LRRC39: variants seen among roughly 807,000 people sequenced by gnomAD.
LRRC39 encodes leucine-rich repeat-containing protein 39.
In LRRC39, 35 loss-of-function variants were observed where a neutral mutation model predicts 39.7. The ratio of observed to expected loss-of-function variants is 0.88; its 90% CI spans 0.67 to 1.17. The LOEUF (loss-of-function observed/expected upper bound fraction) is 1.17, where lower values mean the gene tolerates loss of function less well. Among genes scored for constraint, LRRC39 ranks in the 50% most tolerant of loss-of-function variants. The pLI, the probability that LRRC39 is intolerant of heterozygous loss-of-function variation, is 0.00. For synonymous variants in LRRC39, 113 were observed against 134.1 expected (o/e 0.84, Z 1.09); for missense variants, 357 against 385.8 (o/e 0.93, Z 0.62).
intron 3 of LRRC39, among the ~76,000 whole-genome samples, chr1:100,160,983 A>C (rs931480864): frequency 6.6e-6 from 1 of 152,110 alleles, no homozygotes; most frequent in African/African-American, 2.4e-5. Context: ...TAGTACCTGG[A>C]AATCAGACAA....
chr1:100,158,925 T>C (rs1040438897), intron 5 of LRRC39, among the ~76,000 whole-genome samples: 2 of 149,178 alleles, frequency 1.3e-5, no homozygotes, highest in Non-Finnish European at 3.0e-5. Flanking sequence ...TCTATTTGGA[T>C]TTTTTTTTCC....
chr1:100,171,503 C>CTTTTTTTTTTTTTTTTTTTTTTTTTTTCT (rs748078318), intron 2 of LRRC39, among the ~76,000 whole-genome samples: 1 of 130,766 alleles, frequency 7.6e-6, no homozygotes. Context: ...TTTCTTTCTT[C>CTTTTTTTTTTTTTTTTTTTTTTTTTTTCT]TTTTTTTTTT....
chr1:100,156,197 C>T lies in LRRC39; in HGVS notation c.634G>A (p.Glu212Lys). 6.2e-7 allele frequency: 1 copy of T among 1,613,442 alleles called. No individual in the cohort carries two copies. The highest frequency in any genetic ancestry group is 8.5e-7 in the Non-Finnish European group (1 of 1,179,608). Reference sequence around the variant, plus strand: ...CTTTCTATAGTATCAGGAAGTTGTTCAAGTTTGTTGCTTCCCATGTCCAGC... The same window carrying T: ...CTTTCTATAGTATCAGGAAGTTGTTTAAGTTTGTTGCTTCCCATGTCCAGC... ...EWLDMGSNKL[E>K]QLPDTIERMQ... is the part of the protein sequence containing the mutation. The change falls in exon 7 of 10, where the codon GAA (glutamate) becomes AAA (lysine). Residue 212 changes from glutamate to lysine, a missense_variant. Transcript: ENST00000370137.
chr1:100,149,088 A>G lies in LRRC39; in HGVS notation c.962T>C (p.Val321Ala), dbSNP rs759319126. The stretch of plus-strand genomic sequence containing the variant: ...GATTGGTAAAGTAGTTGAACCGTTG[A>G]CTTGGTGATCTGAAACATACATAAC... ...QESRRRADHQ[V>A]NGSTTLPISI... Residue 321 changes from valine to alanine, a missense_variant, in exon 10 of 10, where the codon GTC (valine) becomes GCC (alanine). Physicochemically the swap from Val to Ala is moderately conservative, Grantham distance 64 (BLOSUM62 0). Coordinates refer to ENST00000370137, the MANE Select transcript of LRRC39 (RefSeq NM_144620.4). The G allele has an allele frequency of 2.5e-6, 4 of 1,601,990 alleles. No individual in the cohort carries two copies. The South Asian group carries it at 3.4e-5, about 14-fold the overall frequency.
At chr1:100,154,094 A>G (rs1282404529) in intron 8 of LRRC39, among the ~76,000 whole-genome samples, 1 of 151,898 alleles carries the variant, frequency 6.6e-6, no homozygotes, top group African/African-American at 2.4e-5. Context: ...TATAACATTT[A>G]TTAAAATAAT....
intron 8 of LRRC39, 138 bp from the exon 9 acceptor site, chr1:100,152,662 G>A (rs916823901): frequency 1.2e-6 from 1 of 807,362 alleles, no homozygotes. Flanking sequence ...TTGGTGAGAT[G>A]TGATATATCT....
intron 1 of LRRC39, among the ~76,000 whole-genome samples, chr1:100,175,669 G>A (rs755583585): frequency 6.6e-5 from 10 of 151,856 alleles, no homozygotes; most frequent in Non-Finnish European, 1.3e-4. Context: ...AATATATAAC[G>A]AACTCCTTAA....
At chr1:100,161,308 AT>A (rs1034148556) in intron 3 of LRRC39, among the ~76,000 whole-genome samples, 1 of 152,024 alleles carries the variant, frequency 6.6e-6, no homozygotes, top group African/African-American at 2.4e-5. Context: ...TTGTATATGG[AT>A]TTTCCTATCC....
chr1:100,168,919 G>A (rs568910192), intron 2 of LRRC39, among the ~76,000 whole-genome samples: 137 of 151,816 alleles, frequency 9.0e-4, no homozygotes, highest in East Asian at 9.6e-4. Context: ...ATAGGAAAAT[G>A]GTTAAATAAT....
chr1:100,155,405 C>T (rs558925527), intron 7 of LRRC39, among the ~76,000 whole-genome samples: 4 of 152,184 alleles, frequency 2.6e-5, no homozygotes, highest in African/African-American at 9.6e-5. Flanking sequence ...GCCTTTGGTT[C>T]TTATGTTAAA....
intron 2 of LRRC39, among the ~76,000 whole-genome samples, chr1:100,170,050 A>T (rs115245433): frequency 0.012 from 1,766 of 152,294 alleles, 32 homozygotes; most frequent in African/African-American, 0.04. Flanking sequence ...AAAAGACAAA[A>T]TCCTGAGTGT....
At chr1:100,168,722 A>G in intron 2 of LRRC39, 128 bp from the exon 3 acceptor site, 2 of 449,816 alleles carry the variant, frequency 4.4e-6, no homozygotes, top group Non-Finnish European at 7.7e-6. Flanking sequence ...TACATGCCAT[A>G]TCATATTTAA....
intron 6 of LRRC39, among the ~76,000 whole-genome samples, chr1:100,156,749 G>A (rs1000010624): frequency 4.6e-5 from 7 of 152,166 alleles, no homozygotes; most frequent in African/African-American, 1.7e-4. Context: ...AGGCAATTTG[G>A]TAGTTAGGAG....
chr1:100,160,607 A>G (rs756854666), intron 3 of LRRC39, 36 bp from the exon 4 acceptor site: 7 of 1,511,814 alleles, frequency 4.6e-6, no homozygotes, highest in Non-Finnish European at 6.3e-6. Context: ...TTCATAGACA[A>G]TTACATAAGT....
chr1:100,174,930 C>T (rs1337221141), intron 1 of LRRC39, among the ~76,000 whole-genome samples: 3 of 152,122 alleles, frequency 2.0e-5, no homozygotes, highest in African/African-American at 7.2e-5. Flanking sequence ...TCCCTCATGG[C>T]GTGGTGCTGT....
At position 100,158,239 on chromosome 1, in the gene LRRC39, G is replaced by A. The variant is rs758632188; in HGVS notation, c.505C>T (p.Pro169Ser). Residue 169 changes from proline (P) to serine (S), a missense_variant, in exon 6 of 10, where the codon CCA (proline) becomes TCA (serine). Transcript: ENST00000370137. ...ATTTATGTCTTTCTAACCTCTTGTG[G>A]AAGATCACATATATCTCTGTTAACA... ...LAVNRDICDLPQELSNLLKLT... is the reference protein window; with the variant it reads ...LAVNRDICDLSQELSNLLKLT... The A allele has an allele frequency of 1.2e-6, 2 of 1,613,632 alleles. No homozygotes were observed. Among genetic ancestry groups the A allele is most frequent in the Middle Eastern group, 1.7e-4 (1 of 6,054 alleles).
chr1:100,166,857 C>G (rs765584493), intron 3 of LRRC39, among the ~76,000 whole-genome samples: 51 of 152,312 alleles, frequency 3.3e-4, no homozygotes, highest in African/African-American at 1.2e-3. Flanking sequence ...TTCTCATTCT[C>G]TCTTTGCCAG....
At chr1:100,155,243 T>C in intron 7 of LRRC39, 40 bp from the exon 8 acceptor site, 1 of 1,482,334 alleles carries the variant, frequency 6.7e-7, no homozygotes, top group Non-Finnish European at 9.0e-7. Flanking sequence ...ACATATAATA[T>C]GAAAATATTG....
chr1:100,178,614 A>G (rs1660101310), upstream of LRRC39, among the ~76,000 whole-genome samples: 1 of 152,204 alleles, frequency 6.6e-6, no homozygotes, highest in African/African-American at 2.4e-5. Flanking sequence ...AAAAGAAAAA[A>G]TAAAGGTGTG....
Sources: allele counts gnomAD v4.1 joint callset (sites outside exome capture counted in the v4.1 genomes callset), GRCh38; gene constraint gnomAD v4.1.1; transcripts MANE v1.5; gene names NCBI Gene and HGNC (gene_info 2026-07-23, HGNC 2026-07-21).